Variants in UBTD2 observed in about 807,000 individuals in gnomAD.
UBTD2 encodes ubiquitin domain-containing protein 2.
A neutral mutation model predicts 19.8 loss-of-function variants in UBTD2; 9 were observed. The ratio of observed to expected loss-of-function variants is 0.46; its 90% CI spans 0.27 to 0.79. The LOEUF is 0.79. Ranked by LOEUF, UBTD2 falls within the 30% of genes least tolerant of loss-of-function variation. UBTD2 has a pLI of 0.14. For synonymous variants in UBTD2, 98 were observed against 103.9 expected (o/e 0.94, Z 0.35); for missense variants, 250 against 300.4 (o/e 0.83, Z 1.24).
intron 1 of UBTD2, among the ~76,000 whole-genome samples, chr5:172,242,717 G>C (rs181477101): frequency 6.6e-6 from 1 of 152,220 alleles, no homozygotes; most frequent in Admixed American, 6.5e-5. Context: ...CCAGTACAGG[G>C]GGTGATCTCT....
chr5:172,221,609 TATA>T (rs1157243292), intron 2 of UBTD2, among the ~76,000 whole-genome samples: 2 of 152,158 alleles, frequency 1.3e-5, no homozygotes, highest in Non-Finnish European at 2.9e-5. Context: ...TAAAGCTATA[TATA>T]ATATGATTCC....
At chr5:172,274,494 T>A (rs1009627279) in intron 1 of UBTD2, among the ~76,000 whole-genome samples, 2 of 152,058 alleles carry the variant, frequency 1.3e-5, no homozygotes, top group African/African-American at 2.4e-5. Flanking sequence ...GAAAATTCAA[T>A]AAACCAGTTA....
chr5:172,258,064 T>G (rs2113089088), intron 1 of UBTD2, among the ~76,000 whole-genome samples: 1 of 152,352 alleles, frequency 6.6e-6, no homozygotes, highest in East Asian at 1.9e-4. Flanking sequence ...GCAATCTTCA[T>G]CATAAAAACT....
At chr5:172,260,803 T>C (rs1203941578) in intron 1 of UBTD2, among the ~76,000 whole-genome samples, 1 of 152,222 alleles carries the variant, frequency 6.6e-6, no homozygotes, top group Non-Finnish European at 1.5e-5. Flanking sequence ...TTATATGTTG[T>C]GGCACATCTC....
At chr5:172,217,586 G>A (rs1771571853) in intron 2 of UBTD2, among the ~76,000 whole-genome samples, 1 of 152,024 alleles carries the variant, frequency 6.6e-6, no homozygotes, top group Non-Finnish European at 1.5e-5. Flanking sequence ...TTGGCTCAAG[G>A]CTATCCCTCC....
intron 2 of UBTD2, among the ~76,000 whole-genome samples, chr5:172,215,447 A>C (rs1421773729): frequency 6.6e-6 from 1 of 152,218 alleles, no homozygotes; most frequent in Admixed American, 6.5e-5. Context: ...GCACTGGTCC[A>C]GTTCATGATC....
intron 1 of UBTD2, among the ~76,000 whole-genome samples, chr5:172,262,609 CGAGACCAGCCTCACCAACAAGGCAA>C (rs1755293630): frequency 6.6e-6 from 1 of 151,748 alleles, no homozygotes; most frequent in Non-Finnish European, 1.5e-5. Flanking sequence ...GCCAGGAGTT[CGAGACCAGCCTCACCAACAAGGCAA>C]AACCCCATCT....
At chr5:172,242,762 A>T (rs937926446) in intron 1 of UBTD2, among the ~76,000 whole-genome samples, 7 of 152,170 alleles carry the variant, frequency 4.6e-5, no homozygotes, top group Non-Finnish European at 8.8e-5. Context: ...ATGATGCTTT[A>T]GTATATCTAT....
chr5:172,258,881 T>C (rs1010390400), intron 1 of UBTD2, among the ~76,000 whole-genome samples: 7 of 152,156 alleles, frequency 4.6e-5, no homozygotes, highest in Non-Finnish European at 5.9e-5. Flanking sequence ...TACAGAATCA[T>C]ATAATCTGCA....
At chr5:172,216,528 G>C (rs773130285) in intron 2 of UBTD2, among the ~76,000 whole-genome samples, 3 of 137,752 alleles carry the variant, frequency 2.2e-5, no homozygotes, top group Non-Finnish European at 4.6e-5. Flanking sequence ...CAAGGTAGGA[G>C]GACTGCTTGA....
rs1415576063 is a variant in UBTD2 at position 172,210,346 on chromosome 5, G to A, written c.*1484C>T. On this transcript the variant is annotated 3_prime_UTR_variant, in exon 3 of 3. Transcript: ENST00000393792. ...ACTTCACATCCAAACAGGTGTGGAG[G>A]GCTGACATTTTCCAACTGAGAACAG... The A allele has an allele frequency of 5.3e-5, 8 of 152,092 alleles. No individual in the cohort carries two copies. The highest frequency in any genetic ancestry group is 1.4e-4 in the African/African-American group (6 of 41,428). 9.4% of individuals were successfully genotyped at this position (152,092 alleles called of 1,614,324 possible).
chr5:172,234,905 CAAACA>C (rs998339377), intron 1 of UBTD2, among the ~76,000 whole-genome samples: 1 of 135,534 alleles, frequency 7.4e-6, no homozygotes, highest in African/African-American at 2.8e-5. Flanking sequence ...AACCTCATCT[CAAACA>C]AAACAAAACA....
chr5:172,223,424 T>G (rs1771690812), intron 2 of UBTD2, among the ~76,000 whole-genome samples: 1 of 150,998 alleles, frequency 6.6e-6, no homozygotes, highest in African/African-American at 2.4e-5. Context: ...CATGGTGAAA[T>G]CCTGTCTCTA....
At position 172,211,770 on chromosome 5, in the gene UBTD2, T is replaced by G; in HGVS notation, c.*60A>C. Reference sequence around the variant, plus strand: ...AGATTTCACGCCGCAGAGTAGGAAATGACAACAAGAACCATAAAAAGGAGC... The same window carrying G: ...AGATTTCACGCCGCAGAGTAGGAAAGGACAACAAGAACCATAAAAAGGAGC... On this transcript the variant is annotated 3_prime_UTR_variant, in exon 3 of 3. Transcript: ENST00000393792. The G allele has an allele frequency of 6.7e-7, 1 of 1,498,930 alleles. No individual in the cohort carries two copies. The allele number at this position is 1,498,930 out of a possible 1,614,324, so 92.9% of individuals were successfully genotyped here. A position where few individuals can be genotyped will look rare whatever the true frequency, so the allele number is the denominator to read the frequency against.
intron 1 of UBTD2, among the ~76,000 whole-genome samples, chr5:172,265,291 AAAT>A (rs1755353678): frequency 1.3e-5 from 2 of 152,216 alleles, no homozygotes; most frequent in Non-Finnish European, 2.9e-5. Flanking sequence ...GTCAGTAATA[AAAT>A]AATTTCACCC....
At chr5:172,220,235 T>C (rs1291427155) in intron 2 of UBTD2, among the ~76,000 whole-genome samples, 1 of 152,134 alleles carries the variant, frequency 6.6e-6, no homozygotes. Flanking sequence ...AAAAATCACA[T>C]GATCATATCA....
At chr5:172,246,891 G>A (rs1251447760) in intron 1 of UBTD2, among the ~76,000 whole-genome samples, 45 of 146,732 alleles carry the variant, frequency 3.1e-4, no homozygotes, top group Admixed American at 4.2e-4. Context: ...AGCCTCCCAA[G>A]TAGCTGGGAT....
chr5:172,231,551 T>G (rs908602598), intron 2 of UBTD2, among the ~76,000 whole-genome samples: 1 of 152,192 alleles, frequency 6.6e-6, no homozygotes, highest in African/African-American at 2.4e-5. Flanking sequence ...AGGATATGCA[T>G]GAGGCCCAGC....
At chr5:172,253,082 T>A (rs921299807) in intron 1 of UBTD2, among the ~76,000 whole-genome samples, 1 of 152,038 alleles carries the variant, frequency 6.6e-6, no homozygotes, top group Non-Finnish European at 1.5e-5. Context: ...CAGGCTGGAG[T>A]GTAGTGGCAC....
Sources: allele counts gnomAD v4.1 joint callset (sites outside exome capture counted in the v4.1 genomes callset), GRCh38; gene constraint gnomAD v4.1.1; transcripts MANE v1.5; gene names NCBI Gene and HGNC (gene_info 2026-07-23, HGNC 2026-07-21).